The following CRACR2A variants were observed in gnomAD, a reference collection of about 807,000 sequenced individuals.
CRACR2A encodes the protein calcium release activated channel regulator 2A.
Under a neutral mutation model 90.5 loss-of-function variants are expected in CRACR2A, and 79 were observed. The ratio of observed to expected loss-of-function variants is 0.87; its 90% CI spans 0.73 to 1.05. CRACR2A has a LOEUF of 1.05. Among genes scored for constraint, CRACR2A ranks in the 50% least tolerant of loss-of-function variants. CRACR2A has a pLI of 0.00. For synonymous variants in CRACR2A, 338 were observed against 356.7 expected (o/e 0.95, Z 0.59); for missense variants, 823 against 897.2 (o/e 0.92, Z 1.06).
chr12:3,653,096 C>T (rs1300712064), intron 10 of CRACR2A, among the ~76,000 whole-genome samples: 1 of 152,170 alleles, frequency 6.6e-6, no homozygotes. Context: ...CATTCTCCTG[C>T]CTCAGCCTCC....
At chr12:3,660,382 T>TG (rs986691235) in intron 7 of CRACR2A, among the ~76,000 whole-genome samples, 3 of 152,076 alleles carry the variant, frequency 2.0e-5, no homozygotes, top group African/African-American at 7.2e-5. Flanking sequence ...GACAATGAGA[T>TG]GTCCTCATCC....
At chr12:3,631,718 A>G (rs1234557391) in intron 15 of CRACR2A, among the ~76,000 whole-genome samples, 5 of 152,204 alleles carry the variant, frequency 3.3e-5, no homozygotes, top group Admixed American at 3.3e-4. Context: ...TCCAGGTGTG[A>G]TAACAGTGTA....
intron 1 of CRACR2A, among the ~76,000 whole-genome samples, chr12:3,733,844 C>A (rs1946397755): frequency 6.7e-6 from 1 of 150,282 alleles, no homozygotes; most frequent in Non-Finnish European, 1.5e-5. Context: ...ATCCCACTAT[C>A]CTAACCACAA....
chr12:3,616,025 C>T (rs558665662), intron 19 of CRACR2A, among the ~76,000 whole-genome samples: 20 of 152,336 alleles, frequency 1.3e-4, no homozygotes, highest in Non-Finnish European at 2.5e-4. Flanking sequence ...TTTTGCGTTA[C>T]GCACCTCCTT....
intron 4 of CRACR2A, among the ~76,000 whole-genome samples, chr12:3,680,557 T>C (rs1945429365): frequency 1.3e-5 from 2 of 152,264 alleles, no homozygotes. Context: ...TGCCTACGAA[T>C]GTACTAGGCC....
chr12:3,699,874 T>C (rs1945808073), intron 3 of CRACR2A, among the ~76,000 whole-genome samples: 1 of 152,228 alleles, frequency 6.6e-6, no homozygotes, highest in South Asian at 2.1e-4. Flanking sequence ...CAAGCATTTT[T>C]ATTTCAGGCA....
intron 2 of CRACR2A, among the ~76,000 whole-genome samples, chr12:3,724,593 T>C (rs992250684): frequency 2.6e-5 from 4 of 152,218 alleles, no homozygotes; most frequent in Admixed American, 6.5e-5. Flanking sequence ...TCAGAAGTGA[T>C]GTGACTTAGT....
chr12:3,712,036 C>T (rs935756112), intron 3 of CRACR2A, among the ~76,000 whole-genome samples: 5 of 152,190 alleles, frequency 3.3e-5, no homozygotes, highest in Non-Finnish European at 5.9e-5. Flanking sequence ...GGTATCTTAG[C>T]CAACAGTTCC....
rs2137304180 is a variant in CRACR2A, at chr12:3,627,720, T to C, written c.1736-14A>G. ...GGTAATCAATGCCTGCAGGGTGAAA[T>C]GGGCCTGTCAGGGCTGCCCTGGGCC... On this transcript the variant is annotated splice_polypyrimidine_tract_variant and intron_variant, in intron 15 of 19. Transcript: ENST00000440314. The C allele has an allele frequency of 6.4e-7, 1 of 1,551,596 alleles. No individual in the cohort carries two copies. Among genetic ancestry groups the C allele is most frequent in the Non-Finnish European group, 8.7e-7 (1 of 1,146,922 alleles).
intron 15 of CRACR2A, among the ~76,000 whole-genome samples, chr12:3,630,354 T>C (rs1215397973): frequency 6.6e-6 from 1 of 152,164 alleles, no homozygotes; most frequent in Non-Finnish European, 1.5e-5. Flanking sequence ...GTGACAGCCC[T>C]GAGCTGTCAT....
At chr12:3,629,509 C>T (rs1452641469) in intron 15 of CRACR2A, among the ~76,000 whole-genome samples, 1 of 152,228 alleles carries the variant, frequency 6.6e-6, no homozygotes, top group African/African-American at 2.4e-5. Flanking sequence ...GGTCATACAG[C>T]TTCAGGGCCA....
chr12:3,673,297 G>A (rs968862866), intron 7 of CRACR2A, 149 bp downstream of exon 7: 21 of 897,422 alleles, frequency 2.3e-5, no homozygotes, highest in East Asian at 7.5e-5. Flanking sequence ...TACATATATC[G>A]TGACAGACAC....
intron 3 of CRACR2A, 35 bp from the exon 4 acceptor site, chr12:3,697,070 G>T (rs1336770216): frequency 9.2e-6 from 14 of 1,527,654 alleles, no homozygotes; most frequent in Non-Finnish European, 1.2e-5. Context: ...AAGTGGGTGT[G>T]GTGGGTTGGA....
chr12:3,739,098 T>C (rs1477025403), intron 1 of CRACR2A, among the ~76,000 whole-genome samples: 2 of 150,052 alleles, frequency 1.3e-5, no homozygotes, highest in Non-Finnish European at 3.0e-5. Flanking sequence ...TTTTAAAAGA[T>C]AGACATCAAA....
At chr12:3,719,132 G>C (rs1459666547) in intron 2 of CRACR2A, among the ~76,000 whole-genome samples, 1 of 152,174 alleles carries the variant, frequency 6.6e-6, no homozygotes, top group Admixed American at 6.5e-5. Context: ...CACAGCCTCG[G>C]TTATGTGCAG....
chr12:3,749,934 A>T (rs1224486609), intron 1 of CRACR2A, among the ~76,000 whole-genome samples: 3 of 148,050 alleles, frequency 2.0e-5, no homozygotes, highest in South Asian at 2.2e-4. Flanking sequence ...TATTTTTTTT[A>T]TTTTTTATTT....
chr12:3,639,484 A>ACACACACACACACACACACACACAC (rs1555107034), intron 13 of CRACR2A, among the ~76,000 whole-genome samples: 1 of 152,080 alleles, frequency 6.6e-6, no homozygotes, highest in South Asian at 2.1e-4. Flanking sequence ...ACACGCATGC[A>ACACACACACACACACACACACACAC]AGCATGCACA....
At chr12:3,648,053 G>A (rs1407652463) in intron 11 of CRACR2A, 5 of 991,408 alleles carry the variant, frequency 5.0e-6, no homozygotes, top group Non-Finnish European at 6.0e-6. Flanking sequence ...ACAGAACACA[G>A]CCGAGTTACG....
intron 17 of CRACR2A, among the ~76,000 whole-genome samples, chr12:3,625,512 C>T (rs1031818995): frequency 1.3e-5 from 2 of 150,982 alleles, no homozygotes; most frequent in South Asian, 2.1e-4. Context: ...CTAGCACACA[C>T]CAAAATTTAG....
Sources: gnomAD v4.1 joint callset for allele counts (sites outside exome capture counted in the v4.1 genomes callset) on GRCh38, gnomAD v4.1.1 for gene constraint, MANE v1.5 for transcripts, NCBI Gene and HGNC (gene_info 2026-07-23, HGNC 2026-07-21) for gene names.